The following MEI4 variants were observed in gnomAD, a reference collection of about 807,000 sequenced individuals.
The protein encoded by MEI4 is meiosis-specific protein MEI4.
Under a neutral mutation model 31.4 loss-of-function variants are expected in MEI4, and 27 were observed. The ratio of observed to expected loss-of-function variants is 0.86; its 90% confidence interval spans 0.63 to 1.19. The LOEUF is 1.19. Ranked by LOEUF, MEI4 falls within the 50% of genes most tolerant of loss-of-function variation. The pLI, the probability that MEI4 is intolerant of heterozygous loss-of-function variation, is 0.00. For missense variants in MEI4, 329 were observed against 398.9 expected (o/e 0.82, Z 1.49); for synonymous variants, 122 against 145.4 (o/e 0.84, Z 1.16).
chr6:77,822,927 A>G (rs968198076), intron 3 of MEI4, among the ~76,000 whole-genome samples: 1 of 152,002 alleles, frequency 6.6e-6, no homozygotes, highest in Non-Finnish European at 1.5e-5. Context: ...AGCAGAAGTA[A>G]CTACTGAAGC....
intron 2 of MEI4, among the ~76,000 whole-genome samples, chr6:77,742,799 A>G (rs1314571240): frequency 2.0e-5 from 3 of 151,976 alleles, no homozygotes. Flanking sequence ...ATTTTTGTAT[A>G]AGGTGTAAGG....
chr6:77,756,357 A>C (rs1023704963), intron 2 of MEI4, among the ~76,000 whole-genome samples: 1 of 152,066 alleles, frequency 6.6e-6, no homozygotes, highest in Non-Finnish European at 1.5e-5. Context: ...ACAGCTGCCC[A>C]CTATTATTTA....
At chr6:77,731,706 G>T (rs561568977) in intron 2 of MEI4, among the ~76,000 whole-genome samples, 3,059 of 151,368 alleles carry the variant, frequency 0.02, 53 homozygotes, top group South Asian at 0.034. Context: ...CCTTGCCCAT[G>T]CCTATGTCCT....
At chr6:77,706,389 A>G (rs1766334423) in intron 2 of MEI4, among the ~76,000 whole-genome samples, 1 of 152,152 alleles carries the variant, frequency 6.6e-6, no homozygotes. Context: ...GACTATTACC[A>G]TTAGGTCATA....
In MEI4 at chr6:77,926,202, G is replaced by A. The variant is rs1171118826; in HGVS notation, c.*2856G>A. On this transcript the variant is annotated 3_prime_UTR_variant, in exon 5 of 5. Coordinates refer to ENST00000684080, the MANE Select transcript of MEI4 (RefSeq NM_001322247.2). ...TACATGCTTAACTATGAACCTTAAG[G>A]CACAACAGTGGAAATTACTAGCTTA... 6.6e-6 allele frequency: 1 copy of A among 151,898 alleles called. No individual in the cohort carries two copies. Among genetic ancestry groups the A allele is most frequent in the Non-Finnish European group, 1.5e-5 (1 of 67,936 alleles). 9.4% of individuals were successfully genotyped at this position (151,898 alleles called of 1,614,324 possible).
At chr6:77,696,856 G>A (rs1266941839) in intron 2 of MEI4, among the ~76,000 whole-genome samples, 1 of 152,212 alleles carries the variant, frequency 6.6e-6, no homozygotes, top group Admixed American at 6.5e-5. Flanking sequence ...GCTCCTCCTA[G>A]TACCTCTGGT....
intron 2 of MEI4, among the ~76,000 whole-genome samples, chr6:77,700,662 A>C (rs1766195999): frequency 6.6e-6 from 1 of 152,166 alleles, no homozygotes; most frequent in South Asian, 2.1e-4. Context: ...TGGAAATGCA[A>C]AAATCACCTG....
intron 3 of MEI4, among the ~76,000 whole-genome samples, chr6:77,770,338 CA>C (rs1768282098): frequency 6.6e-6 from 1 of 151,986 alleles, no homozygotes; most frequent in Non-Finnish European, 1.5e-5. Flanking sequence ...ACAAAGTTTA[CA>C]ATGAGAAACA....
rs139923654 is a variant in MEI4 at position 77,791,837 on chromosome 6, A to G, written c.768+30172A>G. Among the ~76,000 whole-genome samples, 213 of 152,286 alleles carry G rather than the reference A, an allele frequency of 1.4e-3. 1 individual carries two copies. The highest frequency in any genetic ancestry group is 4.5e-3 in the African/African-American group (187 of 41,560). On this transcript the variant is annotated intron_variant, in intron 3 of 4. Coordinates refer to ENST00000684080, the MANE Select transcript of MEI4 (RefSeq NM_001322247.2). ...GAATTCATTATTATTAACTGTAATT[A>G]TGTAGTATAACCATTTTTACAATAG...
intron 3 of MEI4, among the ~76,000 whole-genome samples, chr6:77,781,624 C>A (rs1008885637): frequency 2.6e-5 from 4 of 152,094 alleles, no homozygotes; most frequent in Admixed American, 6.6e-5. Flanking sequence ...TTATTAAGTT[C>A]TTTCTATATG....
intron 1 of MEI4, among the ~76,000 whole-genome samples, chr6:77,670,478 G>A (rs926906923): frequency 6.6e-6 from 1 of 152,026 alleles, no homozygotes; most frequent in African/African-American, 2.4e-5. Flanking sequence ...TTGGGCAAGT[G>A]GCAACATGGC....
intron 3 of MEI4, among the ~76,000 whole-genome samples, chr6:77,806,014 C>T (rs774758488): frequency 6.6e-6 from 1 of 152,074 alleles, no homozygotes; most frequent in Non-Finnish European, 1.5e-5. Context: ...AATAACCTGA[C>T]CTCTCACAAT....
At chr6:77,862,215 T>C (rs12191809) in intron 4 of MEI4, among the ~76,000 whole-genome samples, 42,797 of 151,916 alleles carry the variant, frequency 0.28, 6,776 homozygotes, top group South Asian at 0.38. Context: ...TGTCAGAAAG[T>C]GGGTGCAGGG....
At chr6:77,872,096 A>G (rs1024393584) in intron 4 of MEI4, among the ~76,000 whole-genome samples, 6 of 152,188 alleles carry the variant, frequency 3.9e-5, no homozygotes, top group Admixed American at 6.6e-5. Flanking sequence ...CATGGTACCA[A>G]TATTTCTTCA....
chr6:77,736,255 G>T (rs1025657323), intron 2 of MEI4, among the ~76,000 whole-genome samples: 4 of 152,046 alleles, frequency 2.6e-5, no homozygotes, highest in East Asian at 1.9e-4. Flanking sequence ...CTTGCAGTTT[G>T]ATCTCAGAGG....
intron 2 of MEI4, among the ~76,000 whole-genome samples, chr6:77,751,438 A>T (rs1767772190): frequency 6.6e-6 from 1 of 152,200 alleles, no homozygotes; most frequent in South Asian, 2.1e-4. Context: ...TAAAGGGGAT[A>T]TCACCATGTA....
intron 1 of MEI4, among the ~76,000 whole-genome samples, chr6:77,674,943 A>G (rs974127308): frequency 6.6e-6 from 1 of 151,938 alleles, no homozygotes; most frequent in Non-Finnish European, 1.5e-5. Flanking sequence ...ATGCATTTTA[A>G]TACCTTTTTT....
intron 3 of MEI4, among the ~76,000 whole-genome samples, chr6:77,825,510 A>C (rs1298808495): frequency 6.6e-6 from 1 of 152,130 alleles, no homozygotes; most frequent in East Asian, 1.9e-4. Context: ...CACAGGAGAC[A>C]TTTTTTTAGG....
chr6:77,829,974 ACT>A lies in MEI4; in HGVS notation c.900+917_900+918del, dbSNP rs562786511. Reference sequence around the variant, plus strand: ...TTTTCAAATGACTACAAAATGACAAACTCTCTTAAGAGCTGTTAGATTTTTTT... The same window carrying A: ...TTTTCAAATGACTACAAAATGACAAACTCTTAAGAGCTGTTAGATTTTTTT... On this transcript the variant is annotated intron_variant, in intron 4 of 4. Coordinates refer to ENST00000684080, the MANE Select transcript of MEI4 (RefSeq NM_001322247.2). 6.6e-4 allele frequency among the ~76,000 whole-genome samples: 100 copies of A among 152,046 alleles called. 1 individual carries two copies. Among genetic ancestry groups the A allele is most frequent in the Admixed American group, 1.2e-3 (19 of 15,264 alleles).
Sources: allele counts gnomAD v4.1 joint callset (sites outside exome capture counted in the v4.1 genomes callset), GRCh38; gene constraint gnomAD v4.1.1; transcripts MANE v1.5; gene names NCBI Gene and HGNC (gene_info 2026-07-23, HGNC 2026-07-21).